SPATS2: variants seen among roughly 807,000 people sequenced by gnomAD.
SPATS2 encodes spermatogenesis-associated serine-rich protein 2.
SPATS2 carries 38 observed loss-of-function variants against 63.7 expected under a neutral mutation model. The ratio of observed to expected loss-of-function variants is 0.60; its 90% CI spans 0.46 to 0.78. The LOEUF (loss-of-function observed/expected upper bound fraction) is 0.78. SPATS2 is among the 30% of genes least tolerant of loss of function. The pLI, the probability that SPATS2 is intolerant of heterozygous loss-of-function variation, is 0.00. For synonymous variants in SPATS2, 207 were observed against 232.9 expected, an observed-to-expected ratio of 0.89 and a Z score of 1.01; for missense variants, 588 against 666.2, an observed-to-expected ratio of 0.88 and a Z score of 1.29.
chr12:49,405,864 A>G (rs1944685225), intron 2 of SPATS2, among the ~76,000 whole-genome samples: 1 of 152,236 alleles, frequency 6.6e-6, no homozygotes, highest in African/African-American at 2.4e-5. Flanking sequence ...AGGATAACAC[A>G]TATATAAATT....
chr12:49,420,548 A>G (rs1334171665), intron 2 of SPATS2, among the ~76,000 whole-genome samples: 1 of 152,174 alleles, frequency 6.6e-6, no homozygotes, highest in Non-Finnish European at 1.5e-5. Context: ...GAGCCACTGC[A>G]CTCCAGCCTG....
rs1478983660 is a variant in SPATS2, at chr12:49,482,553, G to C, written c.26-2037G>C. 2.0e-5 allele frequency among the ~76,000 whole-genome samples: 3 copies of C among 152,186 alleles called. No homozygotes were observed. In the East Asian group the frequency reaches 5.8e-4, roughly 29 times the overall value. On this transcript the variant is annotated intron_variant, in intron 3 of 13. Transcript: ENST00000552918. ...AAGCCAGCAAAAACAGTAACAAGAG[G>C]TACAGCCCTATCTTGGGTGGTTTCC...
chr12:49,444,210 G>A lies in SPATS2; in HGVS notation c.-243-16560G>A, dbSNP rs983289673. Among the ~76,000 whole-genome samples the A allele has an allele frequency of 3.6e-5, 5 of 139,886 alleles. No homozygotes were observed. The East Asian group carries it at 9.8e-4, about 27-fold the overall frequency. The allele number at this position is 139,886 out of a possible 152,430, so 91.8% of individuals were successfully genotyped here. On this transcript the variant is annotated intron_variant, in intron 2 of 13. Transcript: ENST00000552918. ...TTTTATTCCTAAGTATTTAAGTTTT[G>A]TTGTTGTTTTTTTTTTTTTAAGAGA...
At chr12:49,408,513 A>G (rs1417309672) in intron 2 of SPATS2, among the ~76,000 whole-genome samples, 1 of 150,548 alleles carries the variant, frequency 6.6e-6, no homozygotes, top group African/African-American at 2.4e-5. Context: ...TTGGCCTCCC[A>G]AAGTGCTGAG....
intron 9 of SPATS2, among the ~76,000 whole-genome samples, chr12:49,510,719 C>A: frequency 6.6e-6 from 1 of 151,936 alleles, no homozygotes; most frequent in East Asian, 1.9e-4. Flanking sequence ...ATTATTTTTC[C>A]AATGCAACAG....
intron 2 of SPATS2, among the ~76,000 whole-genome samples, chr12:49,399,573 A>T (rs1944569507): frequency 6.6e-6 from 1 of 152,212 alleles, no homozygotes; most frequent in African/African-American, 2.4e-5. Context: ...TTTCATGGGA[A>T]TTTAAACTGG....
intron 10 of SPATS2, among the ~76,000 whole-genome samples, chr12:49,515,039 G>C (rs1946815346): frequency 6.6e-6 from 1 of 152,018 alleles, no homozygotes; most frequent in Non-Finnish European, 1.5e-5. Context: ...AACTTTCTTT[G>C]TTTTCTCAGT....
chr12:49,429,014 C>G (rs1264757984), intron 2 of SPATS2, among the ~76,000 whole-genome samples: 1 of 152,164 alleles, frequency 6.6e-6, no homozygotes, highest in Non-Finnish European at 1.5e-5. Context: ...GCAGACAGCT[C>G]TAACTACTGA....
chr12:49,442,203 A>G (rs910247777), intron 2 of SPATS2, among the ~76,000 whole-genome samples: 5 of 152,194 alleles, frequency 3.3e-5, no homozygotes, highest in Admixed American at 1.3e-4. Context: ...AAAAAATAAC[A>G]AGCAAATAAT....
chr12:49,387,577 C>T lies in SPATS2; in HGVS notation c.-244+16287C>T, dbSNP rs138703396. Among the ~76,000 whole-genome samples, 55 of 145,086 alleles carry T rather than the reference C, an allele frequency of 3.8e-4. 1 individual carries two copies. The East Asian group carries it at 0.011, about 29-fold the overall frequency. ...TCTTGAAGCTGGGAGGTTGAGGTTG[C>T]AGTGAGCTGAGATCACGCCACTGCA... On this transcript the variant is annotated intron_variant, in intron 2 of 13. Coordinates refer to ENST00000552918, the MANE Select transcript of SPATS2 (RefSeq NM_023071.4).
chr12:49,526,415 T>C lies in SPATS2; in HGVS notation c.*160T>C, dbSNP rs1164082688. 2 of 869,378 alleles carry C rather than the reference T, an allele frequency of 2.3e-6. No individual in the cohort carries two copies. The highest frequency in any genetic ancestry group is 3.4e-6 in the Non-Finnish European group (2 of 590,840). The allele number at this position is 869,378 out of a possible 1,614,324, so 53.9% of individuals were successfully genotyped here. A position where few individuals can be genotyped will look rare whatever the true frequency, so the allele number is the denominator to read the frequency against. ...TGGTTTCTTGTCTCCTTATTTCCTC[T>C]TTACCATTTTTGGAGGGGAAGCTAT... is the stretch of plus-strand genomic sequence containing the variant. On this transcript the variant is annotated 3_prime_UTR_variant, in exon 14 of 14. Coordinates refer to ENST00000552918, the MANE Select transcript of SPATS2 (RefSeq NM_023071.4).
At position 49,457,791 on chromosome 12, in the gene SPATS2, T is replaced by C. The variant is rs192595823; in HGVS notation, c.-243-2979T>C. On this transcript the variant is annotated intron_variant, in intron 2 of 13. Transcript: ENST00000552918. ...TGTTGAGAAGCTTGCCACTGAAGGG[T>C]TCAGTTGTTTTTGGCAGATCTGAGT... 8.3e-4 allele frequency among the ~76,000 whole-genome samples: 126 copies of C among 152,188 alleles called. 1 individual carries two copies. The highest frequency in any genetic ancestry group is 2.8e-3 in the African/African-American group (116 of 41,532).
At chr12:49,498,535 A>G (rs1386931490) in intron 8 of SPATS2, among the ~76,000 whole-genome samples, 1 of 152,088 alleles carries the variant, frequency 6.6e-6, no homozygotes, top group African/African-American at 2.4e-5. Context: ...AGGAATTTTG[A>G]AAATTTGGTA....
At chr12:49,409,901 C>T (rs1290381049) in intron 2 of SPATS2, among the ~76,000 whole-genome samples, 1 of 152,050 alleles carries the variant, frequency 6.6e-6, no homozygotes, top group Non-Finnish European at 1.5e-5. Flanking sequence ...CCAGGCCCAG[C>T]TGTATCTTAA....
At chr12:49,404,652 A>G (rs925265578) in intron 2 of SPATS2, among the ~76,000 whole-genome samples, 3 of 152,120 alleles carry the variant, frequency 2.0e-5, no homozygotes, top group Non-Finnish European at 4.4e-5. Flanking sequence ...GAGAATAGTT[A>G]TGTGTCGAGC....
chr12:49,421,416 CAAAAAAAA>C (rs71080195), intron 2 of SPATS2, among the ~76,000 whole-genome samples: 10 of 52,108 alleles, frequency 1.9e-4, no homozygotes, highest in Non-Finnish European at 2.9e-4. Flanking sequence ...GACTTTGTCT[CAAAAAAAA>C]AAAAAAAAAA....
At chr12:49,376,618 A>C (rs749219658) in intron 2 of SPATS2, among the ~76,000 whole-genome samples, 14 of 151,198 alleles carry the variant, frequency 9.3e-5, no homozygotes, top group Non-Finnish European at 1.5e-4. Flanking sequence ...GCTGGTCTTG[A>C]ATTCCTGGCC....
chr12:49,385,106 G>A lies in SPATS2; in HGVS notation c.-244+13816G>A, dbSNP rs1359474635. On this transcript the variant is annotated intron_variant, in intron 2 of 13. Coordinates refer to ENST00000552918, the MANE Select transcript of SPATS2 (RefSeq NM_023071.4). ...TTACAGGTGTGACCCACTGCACCCA[G>A]TCCATTCATTTCTTTAATAAAGTTT... is the stretch of plus-strand genomic sequence containing the variant. Among the ~76,000 whole-genome samples, 14 of 152,186 alleles carry A rather than the reference G, an allele frequency of 9.2e-5. No individual in the cohort carries two copies. In the East Asian group the frequency reaches 2.7e-3, roughly 29 times the overall value.
intron 2 of SPATS2, among the ~76,000 whole-genome samples, chr12:49,423,773 C>G (rs868432743): frequency 6.6e-6 from 1 of 152,174 alleles, no homozygotes; most frequent in Non-Finnish European, 1.5e-5. Context: ...TGTTGTGTAA[C>G]ATGAATTTTA....
Sources: allele counts gnomAD v4.1 joint callset (sites outside exome capture counted in the v4.1 genomes callset), GRCh38; gene constraint gnomAD v4.1.1; transcripts MANE v1.5; gene names NCBI Gene and HGNC (gene_info 2026-07-23, HGNC 2026-07-21).